The following CEP85 variants were observed in gnomAD, a reference collection of about 807,000 sequenced individuals.
CEP85 encodes centrosomal protein of 85 kDa.
Under a neutral mutation model 93.7 loss-of-function variants are expected in CEP85, and 58 were observed. The ratio of observed to expected loss-of-function variants is 0.62; its 90% CI spans 0.50 to 0.77. The LOEUF is 0.77. CEP85 is among the 30% of genes least tolerant of loss of function. The pLI is 0.00. For synonymous variants in CEP85, 314 were observed against 338.6 expected (o/e 0.93, Z 0.80); for missense variants, 868 against 922.0 (o/e 0.94, Z 0.76).
At chr1:26,242,207 A>G (rs17163751) in intron 2 of CEP85, among the ~76,000 whole-genome samples, 25,147 of 152,216 alleles carry the variant, frequency 0.17, 2,180 homozygotes, top group Middle Eastern at 0.21. Flanking sequence ...GAAGATTAGT[A>G]GTAGTAACAG....
chr1:26,242,885 TA>T (rs1243787257), intron 2 of CEP85, among the ~76,000 whole-genome samples: 3 of 152,226 alleles, frequency 2.0e-5, no homozygotes, highest in African/African-American at 7.2e-5. Context: ...AAGTCTTTGC[TA>T]GAATGTTAGT....
chr1:26,245,686 AT>A (rs1246860509), intron 3 of CEP85, among the ~76,000 whole-genome samples: 1 of 152,074 alleles, frequency 6.6e-6, no homozygotes, highest in African/African-American at 2.4e-5. Context: ...GATACTATAA[AT>A]TTTTTCTGTA....
chr1:26,235,564 A>ATTT (rs1185542130), intron 1 of CEP85, among the ~76,000 whole-genome samples: 3 of 69,584 alleles, frequency 4.3e-5, no homozygotes, highest in African/African-American at 1.7e-4. Context: ...TTAGATTGTA[A>ATTT]TTCTTTTTTT....
chr1:26,273,913 TA>T (rs2090014599), intron 11 of CEP85, among the ~76,000 whole-genome samples: 1 of 140,558 alleles, frequency 7.1e-6, no homozygotes, highest in Non-Finnish European at 1.6e-5. Flanking sequence ...AATAAATAAA[TA>T]AATAAATAAA....
At chr1:26,248,475 A>G (rs1039682933) in intron 3 of CEP85, among the ~76,000 whole-genome samples, 10 of 151,984 alleles carry the variant, frequency 6.6e-5, no homozygotes, top group Non-Finnish European at 1.5e-4. Flanking sequence ...GGGGTCAAAG[A>G]TATTGGTCTA....
In CEP85 at chr1:26,238,958, A is replaced by G. The variant is rs17163748; in HGVS notation, c.-22-804A>G. On this transcript the variant is annotated intron_variant, in intron 1 of 13. Transcript: ENST00000451429. The stretch of plus-strand genomic sequence containing the variant: ...CAAGAATTCTTTCCCATCTTTTTAC[A>G]TCGTATGACTGACTTTAATTACTGG... Among the ~76,000 whole-genome samples, 324 of 152,292 alleles carry G rather than the reference A, an allele frequency of 2.1e-3. 3 individuals carry two copies. The highest frequency in any genetic ancestry group is 7.2e-3 in the African/African-American group (300 of 41,552).
intron 11 of CEP85, among the ~76,000 whole-genome samples, chr1:26,273,901 A>AAAAT (rs1553161625): frequency 0.017 from 2,462 of 141,432 alleles, 53 homozygotes; most frequent in African/African-American, 0.049. Context: ...ACCCCATCTC[A>AAAAT]AAATAAATAA....
intron 4 of CEP85, among the ~76,000 whole-genome samples, chr1:26,256,488 G>A (rs975391934): frequency 2.0e-4 from 30 of 151,768 alleles, no homozygotes; most frequent in African/African-American, 4.1e-4. Flanking sequence ...CCGAGACTGC[G>A]CCATTGCACT....
chr1:26,276,494 C>G lies in CEP85; in HGVS notation c.1903-41C>G, dbSNP rs114370465. 1.1e-3 allele frequency: 1,685 copies of G among 1,495,350 alleles called. 19 individuals are homozygous for G. In the African/African-American group the frequency reaches 0.021, roughly 19 times the overall value. 92.6% of individuals were successfully genotyped at this position (1,495,350 alleles called of 1,614,324 possible). On this transcript the variant is annotated intron_variant, in intron 12 of 13. Coordinates refer to ENST00000451429, the MANE Select transcript of CEP85 (RefSeq NM_001319944.2). The stretch of plus-strand genomic sequence containing the variant: ...CTCATGCACAGATACTCTTCCTCTC[C>G]CTGGGCCTGAGTTAATGTGCTTACC...
rs535049644 is a variant in CEP85, at chr1:26,272,881, G to A, written c.1794+810G>A. Among the ~76,000 whole-genome samples, 5 of 152,058 alleles carry A rather than the reference G, an allele frequency of 3.3e-5. No individual in the cohort carries two copies. The South Asian group carries it at 8.3e-4, about 25-fold the overall frequency. On this transcript the variant is annotated intron_variant, in intron 11 of 13. Transcript: ENST00000451429. ...TGACCTCAGGTGATCTGCCCGCCTC[G>A]GCCTCCCAAAGTGCTGGGATTACAG...
intron 11 of CEP85, 68 bp from the exon 12 acceptor site, chr1:26,274,896 G>A (rs1259606419): frequency 5.6e-6 from 7 of 1,259,132 alleles, no homozygotes; most frequent in South Asian, 2.6e-5. Flanking sequence ...CCAAGCCAGC[G>A]GTGATATTGT....
chr1:26,257,764 A>G (rs750632427), intron 5 of CEP85, 34 bp downstream of exon 5: 1 of 1,611,140 alleles, frequency 6.2e-7, no homozygotes, highest in Non-Finnish European at 8.5e-7. Flanking sequence ...GAGCCAGACT[A>G]CTCTCCCAGG....
intron 3 of CEP85, among the ~76,000 whole-genome samples, chr1:26,247,453 C>T (rs1364568505): frequency 6.6e-6 from 1 of 151,002 alleles, no homozygotes; most frequent in East Asian, 1.9e-4. Flanking sequence ...AAAAAAAAAG[C>T]CAGGGACAGT....
chr1:26,275,529 T>G (rs2124616922), intron 12 of CEP85, among the ~76,000 whole-genome samples: 1 of 152,306 alleles, frequency 6.6e-6, no homozygotes, highest in South Asian at 2.1e-4. Flanking sequence ...TCCGCCCACT[T>G]TGGCCTCCCA....
chr1:26,240,162 C>T (rs966378083), intron 2 of CEP85, among the ~76,000 whole-genome samples: 2 of 152,282 alleles, frequency 1.3e-5, no homozygotes, highest in Non-Finnish European at 2.9e-5. Flanking sequence ...TCTTTGTCCT[C>T]TGGGTGGGTC....
Position 26,259,706 on chromosome 1 carries a change from A to G in CEP85, c.1245A>G (p.Lys415=), listed in dbSNP as rs2089776828. The G allele has an allele frequency of 6.2e-7, 1 of 1,613,966 alleles. No individual in the cohort carries two copies. Among genetic ancestry groups the G allele is most frequent in the African/African-American group, 1.3e-5 (1 of 74,908 alleles). ...LSREKIDLEK[K]LSASEVEVQL... is the part of the protein sequence containing the mutation. ...GAGAAAAGATTGACCTTGAAAAGAA[A>G]CTCTCTGCTTCTGAAGTTGAAGTCC... The change falls in exon 7 of 14, where the codon AAA becomes AAG. Residue 415 remains lysine, a synonymous_variant. Coordinates refer to ENST00000451429, the MANE Select transcript of CEP85 (RefSeq NM_001319944.2).
intron 2 of CEP85, among the ~76,000 whole-genome samples, chr1:26,243,234 A>G (rs1418680175): frequency 1.3e-5 from 2 of 151,198 alleles, no homozygotes; most frequent in African/African-American, 2.4e-5. Context: ...ATGATTTTCA[A>G]CTGGGGACTG....
chr1:26,250,942 T>C lies in CEP85; in HGVS notation c.209-4229T>C, dbSNP rs1165465800. Among the ~76,000 whole-genome samples the C allele has an allele frequency of 1.3e-3, 171 of 132,714 alleles. 5 individuals are homozygous for C. Among genetic ancestry groups the C allele is most frequent in the African/African-American group, 3.9e-3 (139 of 35,464 alleles). The allele number at this position is 132,714 out of a possible 152,430, so 87.1% of individuals were successfully genotyped here. A position where few individuals can be genotyped will look rare whatever the true frequency, so the allele number is the denominator to read the frequency against. On this transcript the variant is annotated intron_variant, in intron 3 of 13. Coordinates refer to ENST00000451429, the MANE Select transcript of CEP85 (RefSeq NM_001319944.2). ...TTTTTTTTCTTTTTTCTTTTTTTTT[T>C]TTTTTTTTTTTTTTTTGAGACAGAG...
chr1:26,246,031 T>TC (rs2089504446), intron 3 of CEP85, among the ~76,000 whole-genome samples: 1 of 152,072 alleles, frequency 6.6e-6, no homozygotes. Flanking sequence ...CGTGTGTGAC[T>TC]CCGTTTTTTA....
Sources: gnomAD v4.1 joint callset for allele counts (sites outside exome capture counted in the v4.1 genomes callset) on GRCh38, gnomAD v4.1.1 for gene constraint, MANE v1.5 for transcripts, NCBI Gene and HGNC (gene_info 2026-07-23, HGNC 2026-07-21) for gene names.